GPM6A: variants seen among roughly 807,000 people sequenced by gnomAD.
GPM6A encodes the protein glycoprotein M6A.
GPM6A carries 7 observed loss-of-function variants against 32.1 expected under a neutral mutation model. The observed-to-expected ratio is 0.22, with a 90% CI of 0.12 to 0.41. The LOEUF (loss-of-function observed/expected upper bound fraction) is 0.41. Among genes scored for constraint, GPM6A ranks in the 10% least tolerant of loss-of-function variants. GPM6A has a pLI of 1.00. For missense variants in GPM6A, 235 were observed against 347.2 expected (o/e 0.68, Z 2.57); for synonymous variants, 130 against 123.4 (o/e 1.05, Z -0.35).
chr4:175,804,439 G>C (rs558981466), intron 1 of GPM6A, among the ~76,000 whole-genome samples: 3 of 152,136 alleles, frequency 2.0e-5, no homozygotes, highest in South Asian at 4.1e-4. Flanking sequence ...CTGGATGTTT[G>C]TGTGAGGTTT....
chr4:175,916,245 G>A (rs907901972), intron 1 of GPM6A, among the ~76,000 whole-genome samples: 1 of 152,158 alleles, frequency 6.6e-6, no homozygotes, highest in Non-Finnish European at 1.5e-5. Flanking sequence ...ATACAGCGGA[G>A]AGCTTGGGTT....
At chr4:175,817,578 G>A (rs1735146660) in intron 1 of GPM6A, among the ~76,000 whole-genome samples, 1 of 152,170 alleles carries the variant, frequency 6.6e-6, no homozygotes, top group South Asian at 2.1e-4. Flanking sequence ...TTTCCTAGAA[G>A]GTACAGTTTG....
At chr4:175,720,812 A>G (rs1451406927) in intron 1 of GPM6A, among the ~76,000 whole-genome samples, 1 of 152,078 alleles carries the variant, frequency 6.6e-6, no homozygotes, top group Non-Finnish European at 1.5e-5. Flanking sequence ...ACAGCAAGAG[A>G]ACCAAAAGAT....
At chr4:175,909,048 G>GT (rs201665054) in intron 1 of GPM6A, among the ~76,000 whole-genome samples, 15 of 89,654 alleles carry the variant, frequency 1.7e-4, no homozygotes, top group Non-Finnish European at 2.7e-4. Context: ...AGGGCGGGGG[G>GT]GGGGCAACTA....
chr4:175,745,600 C>G (rs1296012527), intron 1 of GPM6A, among the ~76,000 whole-genome samples: 1 of 152,092 alleles, frequency 6.6e-6, no homozygotes, highest in Non-Finnish European at 1.5e-5. Flanking sequence ...CAGGATGACA[C>G]AAATGTGTGG....
chr4:175,665,714 G>A (rs1212944043), intron 3 of GPM6A, among the ~76,000 whole-genome samples: 1 of 151,260 alleles, frequency 6.6e-6, no homozygotes, highest in Non-Finnish European at 1.5e-5. Context: ...CCCAGGAGGT[G>A]GAGGTGACAG....
In GPM6A at chr4:175,786,923, A is replaced by C. The variant is rs112023479; in HGVS notation, c.37+25268T>G. On this transcript the variant is annotated intron_variant, in intron 1 of 6. Transcript: ENST00000393658. ...GAACAAGGCTAAACTTTATTCTTTAAAGAGAAAGAAAAATATCTGTGGTCT... is the reference window on the plus strand; with the variant it reads ...GAACAAGGCTAAACTTTATTCTTTACAGAGAAAGAAAAATATCTGTGGTCT... 134 of 160,468 alleles carry C rather than the reference A, an allele frequency of 8.4e-4. 1 individual carries two copies. Among genetic ancestry groups the C allele is most frequent in the African/African-American group, 3.1e-3 (128 of 41,808 alleles). The allele number at this position is 160,468 out of a possible 1,614,324, so 9.9% of individuals were successfully genotyped here.
intron 3 of GPM6A, among the ~76,000 whole-genome samples, chr4:175,652,455 T>C (rs999567296): frequency 9.8e-5 from 15 of 152,300 alleles, no homozygotes; most frequent in Middle Eastern, 3.4e-3. Context: ...TTAACAAATA[T>C]GGCAATTCTC....
At chr4:175,689,749 G>T (rs1019443242) in intron 2 of GPM6A, among the ~76,000 whole-genome samples, 1 of 152,160 alleles carries the variant, frequency 6.6e-6, no homozygotes, top group African/African-American at 2.4e-5. Flanking sequence ...CTCCCTTCGG[G>T]TCTGTCAGTG....
At chr4:175,800,411 G>T (rs963050896) in intron 1 of GPM6A, among the ~76,000 whole-genome samples, 2 of 151,990 alleles carry the variant, frequency 1.3e-5, no homozygotes, top group African/African-American at 4.8e-5. Context: ...AATTATCCAA[G>T]CCAAAGAAAA....
intron 1 of GPM6A, among the ~76,000 whole-genome samples, chr4:175,766,773 T>C (rs1338091384): frequency 1.3e-5 from 2 of 150,798 alleles, no homozygotes; most frequent in African/African-American, 4.9e-5. Context: ...TCCTGCCTCA[T>C]CCTCCCGAGT....
At chr4:175,983,541 T>C (rs973002241) in intron 1 of GPM6A, among the ~76,000 whole-genome samples, 10 of 152,230 alleles carry the variant, frequency 6.6e-5, no homozygotes, top group African/African-American at 2.4e-4. Flanking sequence ...GTGGTGATTA[T>C]AAGGTTTTTC....
chr4:175,882,529 C>A (rs1227444492), intron 1 of GPM6A, among the ~76,000 whole-genome samples: 2 of 151,864 alleles, frequency 1.3e-5, no homozygotes, highest in Admixed American at 1.3e-4. Flanking sequence ...CTATATGGAC[C>A]TGGACTACCA....
At chr4:175,977,285 T>C (rs1339040931) in intron 1 of GPM6A, among the ~76,000 whole-genome samples, 1 of 152,216 alleles carries the variant, frequency 6.6e-6, no homozygotes, top group African/African-American at 2.4e-5. Flanking sequence ...TTAGTATTCC[T>C]ACAATGGATA....
At chr4:175,774,873 T>TA (rs199527993) in intron 1 of GPM6A, among the ~76,000 whole-genome samples, 2 of 152,214 alleles carry the variant, frequency 1.3e-5, no homozygotes, top group African/African-American at 4.8e-5. Context: ...TGATGCTATA[T>TA]AAAAAAATTC....
chr4:175,955,481 C>T (rs1033281131), intron 1 of GPM6A, among the ~76,000 whole-genome samples: 6 of 152,086 alleles, frequency 3.9e-5, no homozygotes, highest in African/African-American at 1.4e-4. Flanking sequence ...ACATGTAAAG[C>T]ATTAAAAATA....
intron 1 of GPM6A, among the ~76,000 whole-genome samples, chr4:175,783,220 C>T (rs1013327082): frequency 2.0e-5 from 3 of 151,820 alleles, no homozygotes; most frequent in African/African-American, 4.8e-5. Flanking sequence ...GCCTTGTCAC[C>T]CTATTTTCAT....
chr4:175,687,508 T>C (rs1744051319), intron 2 of GPM6A, among the ~76,000 whole-genome samples: 1 of 151,968 alleles, frequency 6.6e-6, no homozygotes, highest in Non-Finnish European at 1.5e-5. Flanking sequence ...CAGGATTTCC[T>C]CCTTTTTTGT....
chr4:175,967,556 A>T (rs1322333817), intron 1 of GPM6A, among the ~76,000 whole-genome samples: 1 of 152,214 alleles, frequency 6.6e-6, no homozygotes, highest in Admixed American at 6.5e-5. Flanking sequence ...CTAAATTAAT[A>T]AAATATTATT....
Sources: allele counts gnomAD v4.1 joint callset (sites outside exome capture counted in the v4.1 genomes callset), GRCh38; gene constraint gnomAD v4.1.1; transcripts MANE v1.5; gene names NCBI Gene and HGNC (gene_info 2026-07-23, HGNC 2026-07-21).